SMOC2: variants seen among roughly 807,000 people sequenced by gnomAD.
SMOC2 encodes SPARC related modular calcium binding 2, also known as SPARC-related modular calcium-binding protein 2.
Under a neutral mutation model 61.4 loss-of-function variants are expected in SMOC2, and 39 were observed. The ratio of observed to expected loss-of-function variants is 0.64; its 90% CI spans 0.49 to 0.83. The LOEUF is 0.83. SMOC2 is among the 40% of genes least tolerant of loss of function. The pLI, the probability that SMOC2 is intolerant of heterozygous loss-of-function variation, is 0.00. For synonymous variants in SMOC2, 247 were observed against 239.9 expected, an observed-to-expected ratio of 1.03 and a Z score of -0.27; for missense variants, 556 against 592.9, an observed-to-expected ratio of 0.94 and a Z score of 0.65.
rs1203838432 is a variant in SMOC2, at chr6:168,463,468, A to G, written c.84+22014A>G. On this transcript the variant is annotated intron_variant, in intron 1 of 12. Coordinates refer to ENST00000356284, the MANE Select transcript of SMOC2 (RefSeq NM_001166412.2). ...GTTTGAGAGGTTACTAAAATCTGCT[A>G]GTTTTACATTTTTCAAGTAATGCAT... Among the ~76,000 whole-genome samples the G allele has an allele frequency of 2.0e-5, 3 of 152,176 alleles. No individual in the cohort carries two copies. The East Asian group carries it at 5.8e-4, about 29-fold the overall frequency.
At chr6:168,490,822 T>A (rs1265756757) in intron 1 of SMOC2, among the ~76,000 whole-genome samples, 1 of 152,152 alleles carries the variant, frequency 6.6e-6, no homozygotes, top group African/African-American at 2.4e-5. Context: ...GAGGCTGCAT[T>A]TGGGATTTGG....
At chr6:168,543,844 G>T (rs1783930488) in intron 5 of SMOC2, among the ~76,000 whole-genome samples, 172 bp downstream of exon 5, 1 of 152,166 alleles carries the variant, frequency 6.6e-6, no homozygotes, top group South Asian at 2.1e-4. Context: ...CACCAGCTCT[G>T]TTGGGCCTGT....
chr6:168,651,445 C>T (rs1787189642), intron 10 of SMOC2, among the ~76,000 whole-genome samples: 2 of 152,128 alleles, frequency 1.3e-5, no homozygotes, highest in Non-Finnish European at 2.9e-5. Context: ...CAGAAGAACC[C>T]CAGGGTTTTA....
intron 9 of SMOC2, among the ~76,000 whole-genome samples, chr6:168,618,755 C>T (rs2115227599): frequency 6.6e-6 from 1 of 152,156 alleles, no homozygotes; most frequent in African/African-American, 2.4e-5. Flanking sequence ...CATCAGTAGC[C>T]CAGCTTAGGC....
chr6:168,634,543 C>T (rs894041392), intron 9 of SMOC2, among the ~76,000 whole-genome samples: 2 of 152,148 alleles, frequency 1.3e-5, no homozygotes, highest in South Asian at 2.1e-4. Flanking sequence ...CTGAAGAGAA[C>T]GTTGTTTCAG....
rs542425846 is a variant in SMOC2 at position 168,547,311 on chromosome 6, C to T, written c.562+142C>T. On this transcript the variant is annotated intron_variant, in intron 6 of 12. Coordinates refer to ENST00000356284, the MANE Select transcript of SMOC2 (RefSeq NM_001166412.2). The stretch of plus-strand genomic sequence containing the variant: ...TGCCAGACACAGACAGAAAAGACCA[C>T]GTGATCTTACTTATATGTGGAATCT... 69 of 663,914 alleles carry T rather than the reference C, an allele frequency of 1.0e-4. No individual in the cohort carries two copies. The Admixed American group carries it at 1.2e-3, about 12-fold the overall frequency. The allele number at this position is 663,914 out of a possible 1,614,324, so 41.1% of individuals were successfully genotyped here. A position where few individuals can be genotyped will look rare whatever the true frequency, so the allele number is the denominator to read the frequency against.
chr6:168,560,618 C>G (rs571502459), intron 7 of SMOC2, among the ~76,000 whole-genome samples: 3 of 3,600 alleles, frequency 8.3e-4, no homozygotes, highest in African/African-American at 7.2e-3. Flanking sequence ...ACGAGGCTCT[C>G]ACTGCATTCT....
At chr6:168,496,579 G>A (rs1168617113) in intron 1 of SMOC2, among the ~76,000 whole-genome samples, 5 of 152,190 alleles carry the variant, frequency 3.3e-5, no homozygotes, top group African/African-American at 9.6e-5. Flanking sequence ...CCCAGCCCTC[G>A]AGTTCTGTCC....
chr6:168,466,437 G>A (rs1211592625), intron 1 of SMOC2, among the ~76,000 whole-genome samples: 1 of 152,168 alleles, frequency 6.6e-6, no homozygotes, highest in East Asian at 1.9e-4. Flanking sequence ...GCTCCTCTAG[G>A]GCAGATCAGC....
intron 1 of SMOC2, among the ~76,000 whole-genome samples, chr6:168,459,929 C>G (rs752692337): frequency 1.3e-5 from 2 of 152,104 alleles, no homozygotes; most frequent in African/African-American, 2.4e-5. Flanking sequence ...TGGCCCGATT[C>G]ATTTTCTCTG....
At chr6:168,450,143 T>C (rs1189288549) in intron 1 of SMOC2, among the ~76,000 whole-genome samples, 2 of 152,236 alleles carry the variant, frequency 1.3e-5, no homozygotes, top group African/African-American at 2.4e-5. Context: ...CTGGATAATA[T>C]GACATTACGG....
chr6:168,634,916 T>C (rs957167134), intron 9 of SMOC2, among the ~76,000 whole-genome samples: 2 of 152,246 alleles, frequency 1.3e-5, no homozygotes, highest in Non-Finnish European at 2.9e-5. Context: ...TAAAATGGGC[T>C]ATATTATATT....
In SMOC2 at chr6:168,479,501, T is replaced by A. The variant is rs189382362; in HGVS notation, c.85-30414T>A. The stretch of plus-strand genomic sequence containing the variant: ...TGGCAAAATCTTTCTGATGTAACTA[T>A]TTTGGAACTCTGGAGTCCATTGAAA... On this transcript the variant is annotated intron_variant, in intron 1 of 12. Transcript: ENST00000356284. Among the ~76,000 whole-genome samples the A allele has an allele frequency of 1.5e-3, 235 of 152,326 alleles. 1 individual carries two copies. The highest frequency in any genetic ancestry group is 2.6e-3 in the Non-Finnish European group (177 of 68,034).
In SMOC2 at chr6:168,447,572, C is replaced by T. The variant is rs1781358028; in HGVS notation, c.84+6118C>T. Among the ~76,000 whole-genome samples, 3 of 152,148 alleles carry T rather than the reference C, an allele frequency of 2.0e-5. No homozygotes were observed. In the South Asian group the frequency reaches 6.2e-4, roughly 32 times the overall value. On this transcript the variant is annotated intron_variant, in intron 1 of 12. Coordinates refer to ENST00000356284, the MANE Select transcript of SMOC2 (RefSeq NM_001166412.2). ...CACTGTTCCTATCCCTGCCCTAGCCCCCAGCCGAGGGCAGACATTTTTGGG... is the reference window on the plus strand; with the variant it reads ...CACTGTTCCTATCCCTGCCCTAGCCTCCAGCCGAGGGCAGACATTTTTGGG...
chr6:168,550,883 A>G (rs1022150922), intron 7 of SMOC2, among the ~76,000 whole-genome samples: 3 of 152,006 alleles, frequency 2.0e-5, no homozygotes, highest in Non-Finnish European at 4.4e-5. Flanking sequence ...ATTTTGATTT[A>G]TTTCTGTTTC....
intron 4 of SMOC2, among the ~76,000 whole-genome samples, chr6:168,528,997 A>G (rs1783519986): frequency 6.6e-6 from 1 of 152,146 alleles, no homozygotes; most frequent in Admixed American, 6.6e-5. Flanking sequence ...AGCAGTGGGG[A>G]TAGGGGCATC....
chr6:168,516,640 C>G (rs1173869653), intron 2 of SMOC2, among the ~76,000 whole-genome samples: 1 of 152,122 alleles, frequency 6.6e-6, no homozygotes. Flanking sequence ...ATGAGGCCCA[C>G]GGTGCAGGAA....
intron 9 of SMOC2, among the ~76,000 whole-genome samples, chr6:168,643,528 A>G (rs1328972786): frequency 6.6e-6 from 1 of 152,070 alleles, no homozygotes; most frequent in Non-Finnish European, 1.5e-5. Flanking sequence ...GGCTCACTCC[A>G]CACCACTGCA....
rs112689205 is a variant in SMOC2, at chr6:168,617,570, G to T, written c.907+9331G>T. On this transcript the variant is annotated intron_variant, in intron 9 of 12. Transcript: ENST00000356284. Reference sequence around the variant, plus strand: ...CCACTCTTGTCCCGCACTCACATCCGCTTGGACAAGTCCTGTCTCTGCTCC... The same window carrying T: ...CCACTCTTGTCCCGCACTCACATCCTCTTGGACAAGTCCTGTCTCTGCTCC... Among the ~76,000 whole-genome samples the T allele has an allele frequency of 9.2e-3, 1,394 of 152,280 alleles. 18 individuals carry two copies. The highest frequency in any genetic ancestry group is 0.032 in the African/African-American group (1,340 of 41,548).
Sources: gnomAD v4.1 joint callset for allele counts (sites outside exome capture counted in the v4.1 genomes callset) on GRCh38, gnomAD v4.1.1 for gene constraint, MANE v1.5 for transcripts, NCBI Gene and HGNC (gene_info 2026-07-23, HGNC 2026-07-21) for gene names.